Variants in WWOX observed in about 807,000 individuals in gnomAD.
WWOX encodes the protein WW domain-containing oxidoreductase.
In WWOX, 69 loss-of-function variants were observed where a neutral mutation model predicts 46.2. That is an observed-to-expected ratio of 1.49 (90% CI 1.23 to 1.82). WWOX has a LOEUF of 1.82. Among genes scored for constraint, WWOX ranks in the 40% most tolerant of loss-of-function variants. WWOX has a pLI of 0.00. For synonymous variants in WWOX, 359 were observed against 202.6 expected, an observed-to-expected ratio of 1.77 and a Z score of -6.56; for missense variants, 919 against 542.6, an observed-to-expected ratio of 1.69 and a Z score of -6.89.
In WWOX at chr16:79,211,973, T is replaced by TG; in HGVS notation, c.*181dup. On this transcript the variant is annotated 3_prime_UTR_variant, in exon 9 of 9. Coordinates refer to ENST00000566780, the MANE Select transcript of WWOX (RefSeq NM_016373.4). ...GTACCAATGGGAAGCAGGGAATTCC[T>TG]GGGGTAAAGTATCACTTTTCTGGGG... is the stretch of plus-strand genomic sequence containing the variant. 1 of 1,534,552 alleles carries TG rather than the reference T, an allele frequency of 6.5e-7. No individual in the cohort carries two copies. Among genetic ancestry groups the TG allele is most frequent in the South Asian group, 1.2e-5 (1 of 84,050 alleles).
At chr16:78,903,200 A>G (rs1400476544) in intron 8 of WWOX, among the ~76,000 whole-genome samples, 2 of 152,192 alleles carry the variant, frequency 1.3e-5, no homozygotes, top group East Asian at 3.9e-4. Context: ...CACTTGGGGT[A>G]CACCCCTTAT....
chr16:78,340,364 T>C (rs111757321), intron 5 of WWOX, among the ~76,000 whole-genome samples: 26,662 of 117,240 alleles, frequency 0.23, 8,459 homozygotes, highest in African/African-American at 0.38. Flanking sequence ...GCCGAACTAA[T>C]TTATTTTTAT....
chr16:78,952,594 G>T (rs1302834198), intron 8 of WWOX, among the ~76,000 whole-genome samples: 2 of 152,040 alleles, frequency 1.3e-5, no homozygotes, highest in Non-Finnish European at 2.9e-5. Context: ...ATGTTGGCCA[G>T]CCTGGTCTTG....
chr16:78,825,004 A>C (rs1377962116), intron 8 of WWOX, among the ~76,000 whole-genome samples: 1 of 152,204 alleles, frequency 6.6e-6, no homozygotes, highest in African/African-American at 2.4e-5. Context: ...GCCATAAACA[A>C]AGTGCTCTGT....
intron 4 of WWOX, among the ~76,000 whole-genome samples, chr16:78,127,821 G>A (rs543313762): frequency 1.3e-5 from 2 of 152,260 alleles, no homozygotes; most frequent in South Asian, 4.1e-4. Context: ...ACTTAAAAAG[G>A]TAGGACAGTT....
At chr16:79,152,544 T>G (rs2050301173) in intron 8 of WWOX, among the ~76,000 whole-genome samples, 1 of 151,760 alleles carries the variant, frequency 6.6e-6, no homozygotes, top group African/African-American at 2.4e-5. Flanking sequence ...GGTGGCGTGT[T>G]CCTGTAGTCT....
At chr16:78,401,379 TTGACA>T (rs1416984721) in intron 6 of WWOX, among the ~76,000 whole-genome samples, 1 of 152,192 alleles carries the variant, frequency 6.6e-6, no homozygotes, top group Admixed American at 6.5e-5. Flanking sequence ...TAAATTCAAC[TTGACA>T]TGGCAAAATT....
At chr16:78,776,720 A>G (rs2050198635) in intron 8 of WWOX, among the ~76,000 whole-genome samples, 1 of 152,170 alleles carries the variant, frequency 6.6e-6, no homozygotes, top group African/African-American at 2.4e-5. Flanking sequence ...AAGCCTCAGA[A>G]AACTTACGAT....
chr16:78,690,097 G>T (rs1487912412), intron 8 of WWOX, among the ~76,000 whole-genome samples: 1 of 152,136 alleles, frequency 6.6e-6, no homozygotes, highest in East Asian at 1.9e-4. Flanking sequence ...CTGACCTCAG[G>T]TGATCCATCC....
chr16:79,101,293 C>G (rs2049187665), intron 8 of WWOX: 1 of 152,110 alleles, frequency 6.6e-6, no homozygotes, highest in Non-Finnish European at 1.5e-5. Context: ...TTCTGTTTAC[C>G]CATCCTTCTT....
intron 4 of WWOX, among the ~76,000 whole-genome samples, chr16:78,162,637 T>C (rs1416309700): frequency 6.6e-6 from 1 of 152,156 alleles, no homozygotes; most frequent in East Asian, 1.9e-4. Flanking sequence ...TGGCCGTGTA[T>C]GCGTCATTGA....
chr16:78,469,936 G>A (rs781468972), intron 8 of WWOX, among the ~76,000 whole-genome samples: 52 of 152,210 alleles, frequency 3.4e-4, no homozygotes, highest in Non-Finnish European at 3.1e-4. Flanking sequence ...GGGATTCTAA[G>A]ACATCTACAT....
chr16:78,243,862 T>C (rs1170631456), intron 5 of WWOX, among the ~76,000 whole-genome samples: 1 of 152,180 alleles, frequency 6.6e-6, no homozygotes, highest in Non-Finnish European at 1.5e-5. Context: ...TTCCCTTCTT[T>C]ATGTGCATGT....
At chr16:78,481,087 A>T (rs1179916363) in intron 8 of WWOX, among the ~76,000 whole-genome samples, 3 of 152,218 alleles carry the variant, frequency 2.0e-5, no homozygotes, top group Non-Finnish European at 4.4e-5. Context: ...AGCAAAGAGA[A>T]ATTTGAAATT....
intron 8 of WWOX, among the ~76,000 whole-genome samples, chr16:79,095,139 T>G (rs766083698): frequency 6.6e-6 from 1 of 152,222 alleles, no homozygotes; most frequent in Non-Finnish European, 1.5e-5. Context: ...TCCCAATGCC[T>G]TAGAATCTAC....
intron 4 of WWOX, among the ~76,000 whole-genome samples, chr16:78,119,254 G>GT (rs1219212029): frequency 6.6e-6 from 1 of 152,214 alleles, no homozygotes; most frequent in Non-Finnish European, 1.5e-5. Flanking sequence ...CTTCAGCACG[G>GT]TGAACATTAC....
intron 8 of WWOX, among the ~76,000 whole-genome samples, chr16:78,622,827 A>G (rs1042334122): frequency 1.3e-5 from 2 of 152,220 alleles, no homozygotes; most frequent in Non-Finnish European, 1.5e-5. Context: ...GTTAATGAGC[A>G]GGGGGATCCT....
At chr16:78,284,345 C>T (rs552234471) in intron 5 of WWOX, among the ~76,000 whole-genome samples, 6 of 152,172 alleles carry the variant, frequency 3.9e-5, no homozygotes, top group Non-Finnish European at 8.8e-5. Flanking sequence ...TTAAAAATTA[C>T]CCCTTCAACA....
At chr16:78,917,887 A>G (rs1045040837) in intron 8 of WWOX, among the ~76,000 whole-genome samples, 1 of 152,162 alleles carries the variant, frequency 6.6e-6, no homozygotes, top group Non-Finnish European at 1.5e-5. Flanking sequence ...CTTGTTTTTT[A>G]AAACAAAAAA....
Sources: gnomAD v4.1 joint callset for allele counts (sites outside exome capture counted in the v4.1 genomes callset) on GRCh38, gnomAD v4.1.1 for gene constraint, MANE v1.5 for transcripts, NCBI Gene and HGNC (gene_info 2026-07-23, HGNC 2026-07-21) for gene names.